The following RUNX2 variants were observed in gnomAD, a reference collection of about 807,000 sequenced individuals.
RUNX2 encodes runt-related transcription factor 2.
Under a neutral mutation model 51.7 loss-of-function variants are expected in RUNX2, and 10 were observed. The observed-to-expected ratio is 0.19, with a 90% CI of 0.12 to 0.33. RUNX2 has a LOEUF of 0.33. RUNX2 is among the 10% of genes least tolerant of loss of function. The probability of loss-of-function intolerance (pLI) is 1.00; values close to 1 mark genes in which losing one functional copy is unlikely to be tolerated. For missense variants in RUNX2, 562 were observed against 691.3 expected (o/e 0.81, Z 2.10); for synonymous variants, 276 against 273.6 (o/e 1.01, Z -0.09).
At chr6:45,485,174 CCTTTCTTTT>C (rs1800231003) in intron 5 of RUNX2, among the ~76,000 whole-genome samples, 1 of 151,076 alleles carries the variant, frequency 6.6e-6, no homozygotes, top group African/African-American at 2.4e-5. Context: ...CTGTCTTTTT[CCTTTCTTTT>C]CTTTCTTTCT....
At chr6:45,408,173 T>A (rs1797876100) in intron 2 of RUNX2, among the ~76,000 whole-genome samples, 1 of 151,888 alleles carries the variant, frequency 6.6e-6, no homozygotes, top group South Asian at 2.1e-4. Flanking sequence ...TTTTATTTTT[T>A]ATTTTTTTTT....
intron 5 of RUNX2, among the ~76,000 whole-genome samples, chr6:45,468,200 C>T (rs1005165319): frequency 1.3e-5 from 2 of 152,166 alleles, no homozygotes; most frequent in Non-Finnish European, 2.9e-5. Context: ...CTTTTTGTAA[C>T]GAATACTCAA....
chr6:45,426,592 T>C (rs73737414), intron 3 of RUNX2, among the ~76,000 whole-genome samples: 1,946 of 152,342 alleles, frequency 0.013, 43 homozygotes, highest in African/African-American at 0.044. Context: ...ATTTTAAAAC[T>C]AAAAGTAGTT....
intron 6 of RUNX2, among the ~76,000 whole-genome samples, chr6:45,500,848 A>G (rs1017749907): frequency 1.3e-5 from 2 of 152,224 alleles, no homozygotes; most frequent in African/African-American, 4.8e-5. Flanking sequence ...ATTCAGTACA[A>G]CACAGGGGAA....
intron 2 of RUNX2, among the ~76,000 whole-genome samples, chr6:45,419,829 G>A (rs550378151): frequency 6.6e-6 from 1 of 152,286 alleles, no homozygotes; most frequent in African/African-American, 2.4e-5. Context: ...CGGGCGCGAA[G>A]AGTAGGTTGG....
chr6:45,527,846 A>G (rs1009740679), intron 7 of RUNX2, among the ~76,000 whole-genome samples: 1 of 152,242 alleles, frequency 6.6e-6, no homozygotes, highest in Non-Finnish European at 1.5e-5. Context: ...ATGATGTACA[A>G]TGATGAGATG....
intron 2 of RUNX2, among the ~76,000 whole-genome samples, chr6:45,348,890 T>C (rs964293160): frequency 2.0e-5 from 3 of 152,150 alleles, no homozygotes; most frequent in Non-Finnish European, 2.9e-5. Context: ...CATTACACTA[T>C]CTCATAGTAT....
At chr6:45,387,480 C>G (rs755232043) in intron 2 of RUNX2, among the ~76,000 whole-genome samples, 12 of 152,168 alleles carry the variant, frequency 7.9e-5, no homozygotes, top group Non-Finnish European at 1.3e-4. Flanking sequence ...TGTGTGGGCA[C>G]AGCGGAAGCC....
chr6:45,370,547 TAATC>T (rs1414188817), intron 2 of RUNX2, among the ~76,000 whole-genome samples: 3 of 152,112 alleles, frequency 2.0e-5, no homozygotes, highest in Non-Finnish European at 2.9e-5. Flanking sequence ...TAAGGATAAT[TAATC>T]AATATAATAG....
At chr6:45,360,629 C>T (rs150370839) in intron 2 of RUNX2, among the ~76,000 whole-genome samples, 78 of 152,298 alleles carry the variant, frequency 5.1e-4, no homozygotes, top group African/African-American at 1.9e-3. Flanking sequence ...TACCATTTCA[C>T]ATATAAAACA....
At position 45,459,339 on chromosome 6, in the gene RUNX2, T is replaced by A. The variant is rs78055564; in HGVS notation, c.685+21288T>A. Among the ~76,000 whole-genome samples the A allele has an allele frequency of 2.9e-3, 449 of 152,354 alleles. 2 individuals are homozygous for A. Among genetic ancestry groups the A allele is most frequent in the Middle Eastern group, 0.01 (3 of 294 alleles). ...AACTGAATATACTTGAATTGCTGAATATACTTGAAATTCTGATCCTGCTTT... is the reference window on the plus strand; with the variant it reads ...AACTGAATATACTTGAATTGCTGAAAATACTTGAAATTCTGATCCTGCTTT... On this transcript the variant is annotated intron_variant, in intron 5 of 8. Coordinates refer to ENST00000647337, the MANE Select transcript of RUNX2 (RefSeq NM_001024630.4).
At chr6:45,338,357 T>A (rs1310464867) in intron 2 of RUNX2, among the ~76,000 whole-genome samples, 2 of 151,564 alleles carry the variant, frequency 1.3e-5, no homozygotes, top group Admixed American at 1.3e-4. Flanking sequence ...AAAAAAAAAA[T>A]TATAGGCAAC....
At chr6:45,545,330 G>C in intron 8 of RUNX2, 48 bp downstream of exon 8, 1 of 1,542,672 alleles carries the variant, frequency 6.5e-7, no homozygotes, top group Non-Finnish European at 8.8e-7. Context: ...GGCTGGGCTG[G>C]GCTGTCTGGT....
chr6:45,517,690 T>C (rs1031262713), intron 7 of RUNX2, among the ~76,000 whole-genome samples: 4 of 152,210 alleles, frequency 2.6e-5, no homozygotes, highest in Non-Finnish European at 4.4e-5. Context: ...TCCAGTTTTA[T>C]GACTTTCGGT....
Position 45,422,640 on chromosome 6 carries a change from C to A in RUNX2, c.106C>A (p.Pro36Thr). 3 of 1,606,796 alleles carry A rather than the reference C, an allele frequency of 1.9e-6. No homozygotes were observed. Among genetic ancestry groups the A allele is most frequent in the Non-Finnish European group, 1.7e-6 (2 of 1,177,440 alleles). The change falls in exon 3 of 9, where the codon CCC (proline) becomes ACC (threonine). Residue 36 changes from proline (P) to threonine (T), a missense_variant. Physicochemically the swap from Pro to Thr is conservative, Grantham distance 38. Coordinates refer to ENST00000647337, the MANE Select transcript of RUNX2 (RefSeq NM_001024630.4). ...CAGCCCCCCCTCCAGCAGCCTGCAGCCCGGCAAAATGAGCGACGTGAGCCC... is the reference window on the plus strand; with the variant it reads ...CAGCCCCCCCTCCAGCAGCCTGCAGACCGGCAAAATGAGCGACGTGAGCCC... ...RFSPPSSSLQ[P>T]GKMSDVSPVV...
intron 6 of RUNX2, among the ~76,000 whole-genome samples, chr6:45,497,497 T>G (rs1032833100): frequency 5.3e-5 from 8 of 152,220 alleles, no homozygotes; most frequent in African/African-American, 1.9e-4. Context: ...AATATGTTAT[T>G]GTATTTCATG....
chr6:45,330,624 A>G (rs1055368137), intron 2 of RUNX2, among the ~76,000 whole-genome samples: 3 of 152,046 alleles, frequency 2.0e-5, no homozygotes, highest in African/African-American at 4.8e-5. Context: ...TTCTTATTCT[A>G]TCATAACAGG....
intron 2 of RUNX2, among the ~76,000 whole-genome samples, chr6:45,359,586 T>C (rs565800819): frequency 2.0e-5 from 3 of 152,198 alleles, no homozygotes; most frequent in Non-Finnish European, 2.9e-5. Flanking sequence ...TATGGCCACA[T>C]TTGTATCCAA....
intron 7 of RUNX2, among the ~76,000 whole-genome samples, chr6:45,529,083 A>C (rs1371688284): frequency 2.6e-5 from 4 of 152,218 alleles, no homozygotes; most frequent in Non-Finnish European, 5.9e-5. Context: ...ATTCCTCCTC[A>C]TGAAACTCTA....
Sources: gnomAD v4.1 joint callset for allele counts (sites outside exome capture counted in the v4.1 genomes callset) on GRCh38, gnomAD v4.1.1 for gene constraint, MANE v1.5 for transcripts, NCBI Gene and HGNC (gene_info 2026-07-23, HGNC 2026-07-21) for gene names.